EYA1: variants seen among roughly 807,000 people sequenced by gnomAD.
EYA1 encodes the protein protein phosphatase EYA1.
A neutral mutation model predicts 82.0 loss-of-function variants in EYA1; 16 were observed. That is an observed-to-expected ratio of 0.20 (90% confidence interval 0.13 to 0.30). The LOEUF (loss-of-function observed/expected upper bound fraction) is 0.30. EYA1 is among the 10% of genes least tolerant of loss of function. The probability of loss-of-function intolerance (pLI) is 1.00; values close to 1 mark genes in which losing one functional copy is unlikely to be tolerated. For missense variants in EYA1, 633 were observed against 730.7 expected, an observed-to-expected ratio of 0.87 and a Z score of 1.54; for synonymous variants, 261 against 264.4, an observed-to-expected ratio of 0.99 and a Z score of 0.12.
intron 2 of EYA1, among the ~76,000 whole-genome samples, chr8:71,444,503 T>G (rs1806697327): frequency 6.6e-6 from 1 of 152,224 alleles, no homozygotes; most frequent in South Asian, 2.1e-4. Context: ...ACTAAAAATG[T>G]AGCAGACAGT....
At chr8:71,502,783 G>A (rs898437787) in intron 2 of EYA1, among the ~76,000 whole-genome samples, 5 of 152,168 alleles carry the variant, frequency 3.3e-5, no homozygotes, top group Admixed American at 2.0e-4. Context: ...CCTTGAAACC[G>A]CCAGTCAACA....
chr8:71,199,848 G>T (rs1806729776), intron 17 of EYA1: 1 of 196,374 alleles, frequency 5.1e-6, no homozygotes. Flanking sequence ...ACTTTTAATT[G>T]TGGCTCACAT....
intron 2 of EYA1, among the ~76,000 whole-genome samples, chr8:71,425,465 A>T (rs1330632141): frequency 1.3e-5 from 2 of 152,182 alleles, no homozygotes; most frequent in African/African-American, 4.8e-5. Context: ...AAGCCTATGA[A>T]ATTTTCACAT....
rs1563454868 is a variant in EYA1, at chr8:71,317,706, T to C, written c.419-17A>G. ...ACAATGCACCTAAATCAGTTAGTGA[T>C]AGCTTATCTATCTGTCCATTTTCAA... On this transcript the variant is annotated splice_polypyrimidine_tract_variant and intron_variant, in intron 6 of 17. Transcript: ENST00000340726. The C allele has an allele frequency of 6.2e-7, 1 of 1,613,516 alleles. No homozygotes were observed. The highest frequency in any genetic ancestry group is 1.1e-5 in the South Asian group (1 of 91,074).
chr8:71,387,660 T>A (rs1048933999), intron 2 of EYA1, among the ~76,000 whole-genome samples: 1 of 152,100 alleles, frequency 6.6e-6, no homozygotes, highest in Non-Finnish European at 1.5e-5. Context: ...AGTGGTAGCA[T>A]CCACAGAGAT....
At chr8:71,435,119 C>A (rs1180312906) in intron 2 of EYA1, among the ~76,000 whole-genome samples, 1 of 152,144 alleles carries the variant, frequency 6.6e-6, no homozygotes, top group African/African-American at 2.4e-5. Context: ...TCCTATCCAT[C>A]ATTCAAGGTT....
chr8:71,430,612 G>T (rs1235045578), intron 2 of EYA1, among the ~76,000 whole-genome samples: 1 of 152,192 alleles, frequency 6.6e-6, no homozygotes, highest in African/African-American at 2.4e-5. Context: ...GTCATGTCTA[G>T]AAATAACCTG....
At chr8:71,247,830 C>T (rs1813292628) in intron 11 of EYA1, among the ~76,000 whole-genome samples, 1 of 152,124 alleles carries the variant, frequency 6.6e-6, no homozygotes, top group Non-Finnish European at 1.5e-5. Context: ...CCCTCTAGCT[C>T]AGGCCAATAA....
At chr8:71,294,188 G>A (rs568297850) in intron 9 of EYA1, among the ~76,000 whole-genome samples, 1 of 152,126 alleles carries the variant, frequency 6.6e-6, no homozygotes, top group South Asian at 2.1e-4. Context: ...GGCCGGGCGC[G>A]GTGGCTCACG....
chr8:71,239,440 T>A (rs1812214520), intron 12 of EYA1, among the ~76,000 whole-genome samples: 1 of 152,162 alleles, frequency 6.6e-6, no homozygotes, highest in Admixed American at 6.5e-5. Context: ...AGGATATCCA[T>A]TTCATGGTCA....
At chr8:71,353,609 GCATCT>G (rs1563519783) in intron 3 of EYA1, among the ~76,000 whole-genome samples, 1 of 151,976 alleles carries the variant, frequency 6.6e-6, no homozygotes, top group Non-Finnish European at 1.5e-5. Context: ...AAAAATCAAA[GCATCT>G]CATATCAGAA....
chr8:71,373,924 T>C (rs1828222806), intron 2 of EYA1, among the ~76,000 whole-genome samples: 1 of 152,156 alleles, frequency 6.6e-6, no homozygotes, highest in Non-Finnish European at 1.5e-5. Context: ...CTGGGAAAGC[T>C]GGATATCCAT....
At chr8:71,469,205 A>T (rs1408503142) in intron 2 of EYA1, among the ~76,000 whole-genome samples, 1 of 152,142 alleles carries the variant, frequency 6.6e-6, no homozygotes, top group East Asian at 1.9e-4. Context: ...AAATCTTAGG[A>T]GGAAAGAAGA....
chr8:71,292,005 A>T (rs1479296164), intron 9 of EYA1, among the ~76,000 whole-genome samples: 1 of 152,164 alleles, frequency 6.6e-6, no homozygotes, highest in Non-Finnish European at 1.5e-5. Flanking sequence ...CAGTAATTGG[A>T]TTATAGATGA....
chr8:71,396,560 A>G (rs562130173), intron 2 of EYA1, among the ~76,000 whole-genome samples: 1 of 152,210 alleles, frequency 6.6e-6, no homozygotes, highest in Non-Finnish European at 1.5e-5. Context: ...GCCAGTAGTC[A>G]TTCAGGAGCA....
At chr8:71,203,004 T>A (rs1807254517) in intron 17 of EYA1, among the ~76,000 whole-genome samples, 1 of 152,058 alleles carries the variant, frequency 6.6e-6, no homozygotes, top group Non-Finnish European at 1.5e-5. Context: ...CAAAGTAAAC[T>A]TTTTTTTCTC....
intron 2 of EYA1, among the ~76,000 whole-genome samples, chr8:71,398,124 T>C (rs1829738721): frequency 6.6e-6 from 1 of 152,210 alleles, no homozygotes; most frequent in Admixed American, 6.5e-5. Context: ...TCTTGTGCCA[T>C]GGTTTTCAGC....
chr8:71,417,910 T>G (rs1830942382), intron 2 of EYA1, among the ~76,000 whole-genome samples: 1 of 152,224 alleles, frequency 6.6e-6, no homozygotes. Context: ...CCCTTTTCTT[T>G]CCTAAGTTAG....
At chr8:71,485,188 C>T (rs1810469035) in intron 2 of EYA1, among the ~76,000 whole-genome samples, 1 of 152,254 alleles carries the variant, frequency 6.6e-6, no homozygotes, top group South Asian at 2.1e-4. Flanking sequence ...AACTAAGTAA[C>T]ATTAGATAAA....
Sources: allele counts gnomAD v4.1 joint callset (sites outside exome capture counted in the v4.1 genomes callset), GRCh38; gene constraint gnomAD v4.1.1; transcripts MANE v1.5; gene names NCBI Gene and HGNC (gene_info 2026-07-23, HGNC 2026-07-21).